XKR9: variants seen among roughly 807,000 people sequenced by gnomAD.
The protein encoded by XKR9 is XK related 9.
A neutral mutation model predicts 32.0 loss-of-function variants in XKR9; 32 were observed. That is an observed-to-expected ratio of 1.00 (90% CI 0.76 to 1.34). The LOEUF is 1.34. Among genes scored for constraint, XKR9 ranks in the 40% most tolerant of loss-of-function variants. XKR9 has a pLI of 0.00. For missense variants in XKR9, 546 were observed against 429.7 expected (o/e 1.27, Z -2.39); for synonymous variants, 168 against 143.4 (o/e 1.17, Z -1.22).
At chr8:70,810,838 A>G in the XKR9 span, among the ~76,000 whole-genome samples, 2 of 152,306 alleles carry the variant, frequency 1.3e-5, no homozygotes, top group South Asian at 4.1e-4. Context: ...CACAATAATA[A>G]TGGGAGACTT....
the XKR9 span, among the ~76,000 whole-genome samples, chr8:70,859,484 C>G: frequency 6.6e-6 from 1 of 152,100 alleles, no homozygotes; most frequent in East Asian, 1.9e-4. Context: ...TCCAGCAATC[C>G]CACTACTAGG....
At chr8:70,856,819 T>G in the XKR9 span, among the ~76,000 whole-genome samples, 1 of 152,072 alleles carries the variant, frequency 6.6e-6, no homozygotes, top group Non-Finnish European at 1.5e-5. Context: ...ATTAAGAAAC[T>G]CACTCAAAGC....
the XKR9 span, among the ~76,000 whole-genome samples, chr8:70,911,357 C>A: frequency 6.6e-6 from 1 of 152,202 alleles, no homozygotes; most frequent in East Asian, 1.9e-4. Context: ...ACCCTCCCAA[C>A]AAACCTCATA....
Position 70,774,079 on chromosome 8 carries a change from A to G in XKR9, n.353-15260A>G, listed in dbSNP as rs150874835. On this transcript the variant is annotated intron_variant and non_coding_transcript_variant, in intron 2 of 3. Coordinates refer to the XKR9 transcript ENST00000520273. The stretch of plus-strand genomic sequence containing the variant: ...TCAGAACAAAGAATGCCCAAATCTC[A>G]TGATGTAACACAATAAATACTTAAT... Among the ~76,000 whole-genome samples the G allele has an allele frequency of 1.8e-3, 277 of 152,264 alleles. 2 individuals carry two copies. Among genetic ancestry groups the G allele is most frequent in the African/African-American group, 6.6e-3 (274 of 41,572 alleles).
chr8:70,676,041 T>G (rs2219933), intron 2 of XKR9, among the ~76,000 whole-genome samples: 1 of 152,292 alleles, frequency 6.6e-6, no homozygotes. Context: ...GAAAATAAGT[T>G]TAATAGGCTC....
chr8:70,916,396 C>G, the XKR9 span, among the ~76,000 whole-genome samples: 2 of 152,314 alleles, frequency 1.3e-5, no homozygotes, highest in African/African-American at 4.8e-5. Flanking sequence ...ACAGTGCCAT[C>G]TTTGACAAAT....
At chr8:70,744,637 G>C (rs556605477) in intron 2 of XKR9, among the ~76,000 whole-genome samples, 1 of 152,266 alleles carries the variant, frequency 6.6e-6, no homozygotes, top group African/African-American at 2.4e-5. Context: ...ATAGAGTCTT[G>C]CTCTGTCACC....
intron 4 of XKR9, among the ~76,000 whole-genome samples, 162 bp downstream of exon 4, chr8:70,707,315 G>A (rs922209416): frequency 2.6e-5 from 4 of 151,964 alleles, no homozygotes; most frequent in African/African-American, 9.7e-5. Flanking sequence ...AAAGTATATA[G>A]ATAATATACT....
chr8:70,883,985 C>G, the XKR9 span, among the ~76,000 whole-genome samples: 1 of 152,090 alleles, frequency 6.6e-6, no homozygotes, highest in Non-Finnish European at 1.5e-5. Flanking sequence ...ATGGCTGTAC[C>G]ATTTTGCATT....
At chr8:70,882,830 T>C in the XKR9 span, among the ~76,000 whole-genome samples, 1 of 151,808 alleles carries the variant, frequency 6.6e-6, no homozygotes, top group African/African-American at 2.4e-5. Flanking sequence ...TTTTATGAGT[T>C]TTGCCAAATG....
At chr8:70,723,603 G>A (rs184931148) in intron 4 of XKR9, among the ~76,000 whole-genome samples, 2 of 152,308 alleles carry the variant, frequency 1.3e-5, no homozygotes, top group East Asian at 3.9e-4. Context: ...TTTTCTGGAG[G>A]TCCAGTCCAG....
At chr8:70,673,541 G>A (rs940689187) in intron 1 of XKR9, among the ~76,000 whole-genome samples, 4 of 152,280 alleles carry the variant, frequency 2.6e-5, no homozygotes, top group African/African-American at 9.6e-5. Flanking sequence ...GGTGGCTCAC[G>A]CCTGTAATCC....
chr8:70,705,394 G>A (rs1339267994), intron 3 of XKR9, among the ~76,000 whole-genome samples: 2 of 152,166 alleles, frequency 1.3e-5, no homozygotes, highest in Non-Finnish European at 2.9e-5. Flanking sequence ...AGGGTAAAGA[G>A]ATAGAATATG....
the XKR9 span, among the ~76,000 whole-genome samples, chr8:70,855,024 T>C: frequency 6.6e-6 from 1 of 152,150 alleles, no homozygotes; most frequent in Non-Finnish European, 1.5e-5. Flanking sequence ...TGGTTCCATA[T>C]GAACTTTAAA....
chr8:70,725,518 G>A (rs1241479000), intron 4 of XKR9, among the ~76,000 whole-genome samples: 1 of 152,146 alleles, frequency 6.6e-6, no homozygotes, highest in Admixed American at 6.6e-5. Context: ...TTACAATTGA[G>A]GGGTGAGGAG....
chr8:70,886,214 AT>A, the XKR9 span, among the ~76,000 whole-genome samples: 1 of 152,318 alleles, frequency 6.6e-6, no homozygotes, highest in Admixed American at 6.5e-5. Flanking sequence ...TGCAAAGGAC[AT>A]GAACTCATCT....
At chr8:70,854,595 C>G in the XKR9 span, among the ~76,000 whole-genome samples, 1 of 152,130 alleles carries the variant, frequency 6.6e-6, no homozygotes, top group Non-Finnish European at 1.5e-5. Flanking sequence ...GAAATCCTTG[C>G]CCATGCCTAT....
chr8:70,872,215 A>G, the XKR9 span, among the ~76,000 whole-genome samples: 1 of 152,224 alleles, frequency 6.6e-6, no homozygotes, highest in African/African-American at 2.4e-5. Context: ...AAACAGCCTT[A>G]TTGATTATAT....
chr8:70,811,506 G>T, the XKR9 span, among the ~76,000 whole-genome samples: 6 of 152,152 alleles, frequency 3.9e-5, no homozygotes, highest in Non-Finnish European at 8.8e-5. Flanking sequence ...CCAGGAGCTG[G>T]TTTTTTGAAA....
Sources: allele counts gnomAD v4.1 joint callset (sites outside exome capture counted in the v4.1 genomes callset), GRCh38; gene constraint gnomAD v4.1.1; transcripts MANE v1.5; gene names NCBI Gene and HGNC (gene_info 2026-07-23, HGNC 2026-07-21).